LRBA: variants seen among roughly 807,000 people sequenced by gnomAD.
LRBA encodes LPS responsive beige-like anchor protein, also known as lipopolysaccharide-responsive and beige-like anchor protein.
Under a neutral mutation model 330.0 loss-of-function variants are expected in LRBA, and 176 were observed. The observed-to-expected ratio is 0.53, with a 90% CI of 0.47 to 0.60. The LOEUF is 0.60. LRBA is among the 20% of genes least tolerant of loss of function. The pLI is 0.00. For synonymous variants in LRBA, 1,230 were observed against 1,193.0 expected, an observed-to-expected ratio of 1.03 and a Z score of -0.64; for missense variants, 3,259 against 3,444.8, an observed-to-expected ratio of 0.95 and a Z score of 1.35.
chr4:150,646,557 G>A (rs1299731944), intron 37 of LRBA, among the ~76,000 whole-genome samples: 1 of 152,066 alleles, frequency 6.6e-6, no homozygotes, highest in African/African-American at 2.4e-5. Flanking sequence ...TGAGAACTGA[G>A]TATCAGGGCA....
intron 40 of LRBA, among the ~76,000 whole-genome samples, chr4:150,543,452 CTG>C (rs1163870410): frequency 6.6e-6 from 1 of 152,134 alleles, no homozygotes; most frequent in African/African-American, 2.4e-5. Flanking sequence ...ATCCACTTAT[CTG>C]TTTTAACCAA....
intron 46 of LRBA, among the ~76,000 whole-genome samples, chr4:150,430,263 G>A (rs1209004330): frequency 6.6e-6 from 1 of 152,072 alleles, no homozygotes; most frequent in African/African-American, 2.4e-5. Flanking sequence ...TCCACTCTGG[G>A]CCATAGACAA....
chr4:150,899,059 C>G (rs1282966388), intron 14 of LRBA, among the ~76,000 whole-genome samples: 1 of 152,194 alleles, frequency 6.6e-6, no homozygotes, highest in African/African-American at 2.4e-5. Flanking sequence ...CAAGCAACAG[C>G]TCTTAATTTT....
At position 150,536,471 on chromosome 4, in the gene LRBA, G is replaced by A. The variant is rs930413354; in HGVS notation, c.6331-45436C>T. Among the ~76,000 whole-genome samples, 4 of 152,108 alleles carry A rather than the reference G, an allele frequency of 2.6e-5. No individual in the cohort carries two copies. The South Asian group carries it at 6.2e-4, about 24-fold the overall frequency. ...TAGTGACTGAATTTCAATTGCGGTC[G>A]ATTTTGGGGCACAAAGGTGGCTTCT... On this transcript the variant is annotated intron_variant, in intron 40 of 56. Coordinates refer to ENST00000651943, the MANE Select transcript of LRBA (RefSeq NM_001364905.1).
intron 47 of LRBA, among the ~76,000 whole-genome samples, chr4:150,351,742 G>A (rs1354053524): frequency 6.6e-6 from 1 of 152,020 alleles, no homozygotes; most frequent in Non-Finnish European, 1.5e-5. Flanking sequence ...CATCCACAGG[G>A]GTATGTTCTT....
chr4:150,513,476 G>A (rs1365783520), intron 40 of LRBA, among the ~76,000 whole-genome samples: 1 of 152,090 alleles, frequency 6.6e-6, no homozygotes, highest in Non-Finnish European at 1.5e-5. Flanking sequence ...CATCCACCTG[G>A]GTCCCACCTG....
At chr4:150,362,702 C>T (rs1418950347) in intron 47 of LRBA, among the ~76,000 whole-genome samples, 1 of 152,276 alleles carries the variant, frequency 6.6e-6, no homozygotes, top group African/African-American at 2.4e-5. Flanking sequence ...ATACTATTTA[C>T]GAGGCATTAA....
chr4:150,893,746 G>A (rs1483165052), intron 16 of LRBA, among the ~76,000 whole-genome samples: 2 of 151,962 alleles, frequency 1.3e-5, no homozygotes, highest in Non-Finnish European at 2.9e-5. Context: ...CACAATCTCG[G>A]CTCACTGCAA....
At chr4:150,591,648 T>A (rs1379210549) in intron 38 of LRBA, among the ~76,000 whole-genome samples, 2 of 152,088 alleles carry the variant, frequency 1.3e-5, no homozygotes, top group Non-Finnish European at 2.9e-5. Context: ...ATGAGAGGCA[T>A]GTGGGCAAGG....
chr4:150,633,631 T>C (rs1335202304), intron 37 of LRBA, among the ~76,000 whole-genome samples: 3 of 152,220 alleles, frequency 2.0e-5, no homozygotes, highest in African/African-American at 7.2e-5. Context: ...ACACTAATCA[T>C]GTTCCCCATC....
chr4:150,402,646 GA>G (rs913967099), intron 47 of LRBA, among the ~76,000 whole-genome samples: 5 of 151,902 alleles, frequency 3.3e-5, no homozygotes, highest in African/African-American at 1.2e-4. Context: ...TTAGTGGAGA[GA>G]AAAAATGGCC....
At chr4:150,323,058 C>G (rs987487191) in intron 49 of LRBA, among the ~76,000 whole-genome samples, 1 of 133,070 alleles carries the variant, frequency 7.5e-6, no homozygotes, top group African/African-American at 2.8e-5. Context: ...GGGAGCTCAT[C>G]TGAATGTTAC....
At chr4:150,786,469 C>T in intron 34 of LRBA, among the ~76,000 whole-genome samples, 1 of 152,052 alleles carries the variant, frequency 6.6e-6, no homozygotes, top group East Asian at 1.9e-4. Context: ...GTCTCAAACT[C>T]CTGACCTCAG....
At position 150,347,554 on chromosome 4, in the gene LRBA, G is replaced by A. The variant is rs377238681; in HGVS notation, c.7362+2438C>T. 1.1e-3 allele frequency among the ~76,000 whole-genome samples: 161 copies of A among 151,784 alleles called. 3 individuals are homozygous for A. Among genetic ancestry groups the A allele is most frequent in the African/African-American group, 3.8e-3 (156 of 41,386 alleles). On this transcript the variant is annotated intron_variant, in intron 48 of 56. Coordinates refer to ENST00000651943, the MANE Select transcript of LRBA (RefSeq NM_001364905.1). Reference sequence around the variant, plus strand: ...CCAGCTACTCAGGAGGCTGAGGCAGGAGAATCACTTGAACCCAGGAGGCGG... The same window carrying A: ...CCAGCTACTCAGGAGGCTGAGGCAGAAGAATCACTTGAACCCAGGAGGCGG...
intron 2 of LRBA, chr4:150,970,629 AAAAAT>A (rs1561074549): frequency 6.6e-6 from 1 of 150,792 alleles, no homozygotes; most frequent in Non-Finnish European, 1.5e-5. Flanking sequence ...TGGAAAACCA[AAAAAT>A]GTGTGACTCA....
rs752583820 is a variant in LRBA at position 150,831,947 on chromosome 4, G to T, written c.4599C>A (p.Ala1533=). The change falls in exon 29 of 57, where the codon GCC becomes GCA. Residue 1533 remains alanine, a synonymous_variant. Transcript: ENST00000651943. ...IEDSKQAQFL[A]LAVVYFISVL... The stretch of plus-strand genomic sequence containing the variant: ...CAGAGATAAAGTATACTACTGCCAA[G>T]GCTAAAAATTGAGCTTGTTTGCTAT... 6.5e-7 allele frequency: 1 copy of T among 1,535,566 alleles called. No individual in the cohort carries two copies. Among genetic ancestry groups the T allele is most frequent in the Admixed American group, 1.9e-5 (1 of 51,886 alleles).
At chr4:150,577,847 G>A (rs977374303) in intron 40 of LRBA, among the ~76,000 whole-genome samples, 2 of 152,118 alleles carry the variant, frequency 1.3e-5, no homozygotes, top group African/African-American at 2.4e-5. Flanking sequence ...TAAGAATTTT[G>A]TATTCTCTGG....
intron 37 of LRBA, among the ~76,000 whole-genome samples, chr4:150,682,785 A>T (rs1271979759): frequency 6.6e-6 from 1 of 152,144 alleles, no homozygotes; most frequent in Non-Finnish European, 1.5e-5. Context: ...TTGGTCAAAA[A>T]TTAGAAATTA....
intron 2 of LRBA, among the ~76,000 whole-genome samples, chr4:150,962,519 C>A (rs1408712119): frequency 2.0e-5 from 3 of 146,358 alleles, no homozygotes; most frequent in African/African-American, 2.7e-5. Flanking sequence ...TGGATAAATA[C>A]CAGAGTGATA....
Sources: allele counts gnomAD v4.1 joint callset (sites outside exome capture counted in the v4.1 genomes callset), GRCh38; gene constraint gnomAD v4.1.1; transcripts MANE v1.5; gene names NCBI Gene and HGNC (gene_info 2026-07-23, HGNC 2026-07-21).